Variants in CNOT4 observed in about 807,000 individuals in gnomAD.
The protein encoded by CNOT4 is CCR4-associated factor 4.
In CNOT4, 8 loss-of-function variants were observed where a neutral mutation model predicts 73.8. The ratio of observed to expected loss-of-function variants is 0.11; its 90% CI spans 0.06 to 0.20. CNOT4 has a LOEUF of 0.20. CNOT4 is among the 10% of genes least tolerant of loss of function. The pLI, the probability that CNOT4 is intolerant of heterozygous loss-of-function variation, is 1.00. For missense variants in CNOT4, 564 were observed against 883.4 expected (o/e 0.64, Z 4.58); for synonymous variants, 293 against 321.1 (o/e 0.91, Z 0.94).
At chr7:135,471,485 G>A (rs1801571955) in intron 1 of CNOT4, among the ~76,000 whole-genome samples, 1 of 152,106 alleles carries the variant, frequency 6.6e-6, no homozygotes. Context: ...ATGGTAATAA[G>A]TATGCATAAA....
At chr7:135,443,207 T>A (rs1218381328) in intron 1 of CNOT4, among the ~76,000 whole-genome samples, 1 of 147,134 alleles carries the variant, frequency 6.8e-6, no homozygotes, top group Admixed American at 6.8e-5. Context: ...AAAAAAAAAA[T>A]TAGCTGGGTT....
At chr7:135,474,866 C>A (rs1258732775) in intron 1 of CNOT4, among the ~76,000 whole-genome samples, 1 of 151,954 alleles carries the variant, frequency 6.6e-6, no homozygotes, top group African/African-American at 2.4e-5. Flanking sequence ...TTGCCTCAAT[C>A]TTTTTGAAAA....
At chr7:135,476,184 T>C (rs2129486999) in intron 1 of CNOT4, among the ~76,000 whole-genome samples, 1 of 152,154 alleles carries the variant, frequency 6.6e-6, no homozygotes. Flanking sequence ...TGGGAGAAGA[T>C]TTTCCTAACC....
At chr7:135,449,088 G>A (rs898614185) in intron 1 of CNOT4, among the ~76,000 whole-genome samples, 2 of 152,174 alleles carry the variant, frequency 1.3e-5, no homozygotes, top group African/African-American at 4.8e-5. Context: ...AGGTAACACA[G>A]ATGAATCTCC....
Position 135,477,419 on chromosome 7 carries a change from C to T in CNOT4, c.-93+32470G>A, listed in dbSNP as rs939777526. Among the ~76,000 whole-genome samples, 62 of 152,250 alleles carry T rather than the reference C, an allele frequency of 4.1e-4. 1 individual carries two copies. The highest frequency in any genetic ancestry group is 1.2e-3 in the African/African-American group (50 of 41,572). ...AAATCAATAAAAGGACACCCATTAA[C>T]TTTTGTTTCCATCTTTTAAAGTCCT... On this transcript the variant is annotated intron_variant, in intron 1 of 11. Coordinates refer to ENST00000541284, the MANE Select transcript of CNOT4 (RefSeq NM_001190850.2).
At chr7:135,483,317 GAC>G in intron 1 of CNOT4, among the ~76,000 whole-genome samples, 1 of 150,974 alleles carries the variant, frequency 6.6e-6, no homozygotes, top group Non-Finnish European at 1.5e-5. Context: ...CAGCCTGAGT[GAC>G]AGTTTAAGAC....
chr7:135,378,213 G>C (rs1387961199), intron 10 of CNOT4, among the ~76,000 whole-genome samples: 2 of 152,186 alleles, frequency 1.3e-5, no homozygotes, highest in Non-Finnish European at 2.9e-5. Context: ...TGATTTAAAA[G>C]AGAGAGAAGG....
chr7:135,477,482 T>C (rs571407704), intron 1 of CNOT4, among the ~76,000 whole-genome samples: 1 of 152,370 alleles, frequency 6.6e-6, no homozygotes, highest in East Asian at 1.9e-4. Flanking sequence ...TGTATTCTTA[T>C]AGACACACCC....
intron 1 of CNOT4, among the ~76,000 whole-genome samples, chr7:135,501,008 G>C (rs977645423): frequency 6.5e-5 from 9 of 137,960 alleles, no homozygotes; most frequent in Non-Finnish European, 1.4e-4. Context: ...TTTGGAGACA[G>C]AGTTTCATTC....
At chr7:135,442,565 C>A (rs1265991142) in intron 1 of CNOT4, among the ~76,000 whole-genome samples, 1 of 152,202 alleles carries the variant, frequency 6.6e-6, no homozygotes, top group Non-Finnish European at 1.5e-5. Flanking sequence ...TGCCACTGCA[C>A]TGCAGCCTGG....
intron 1 of CNOT4, among the ~76,000 whole-genome samples, chr7:135,490,426 C>T (rs551306830): frequency 6.6e-6 from 1 of 152,258 alleles, no homozygotes; most frequent in South Asian, 2.1e-4. Context: ...AAGGGTGCTG[C>T]TAAAGGAGGT....
intron 1 of CNOT4, among the ~76,000 whole-genome samples, chr7:135,460,124 T>G (rs912790281): frequency 6.6e-6 from 1 of 152,106 alleles, no homozygotes; most frequent in African/African-American, 2.4e-5. Context: ...CTGGATTAGG[T>G]TGTGGTTTAA....
At chr7:135,407,667 C>A (rs1797366958) in intron 7 of CNOT4, among the ~76,000 whole-genome samples, 1 of 145,438 alleles carries the variant, frequency 6.9e-6, no homozygotes, top group African/African-American at 2.6e-5. Context: ...ATATGCTATG[C>A]TAATGGTTGG....
chr7:135,507,465 G>C (rs1804451646), intron 1 of CNOT4, among the ~76,000 whole-genome samples: 1 of 152,084 alleles, frequency 6.6e-6, no homozygotes, highest in African/African-American at 2.4e-5. Flanking sequence ...AAGAACTTTA[G>C]ATATCTTCTT....
chr7:135,400,283 T>G (rs1461150593), intron 7 of CNOT4, among the ~76,000 whole-genome samples: 1 of 152,102 alleles, frequency 6.6e-6, no homozygotes, highest in Non-Finnish European at 1.5e-5. Flanking sequence ...TTAGGCTCCA[T>G]AGGCCACAGA....
intron 1 of CNOT4, among the ~76,000 whole-genome samples, chr7:135,463,876 A>C (rs772300069): frequency 2.0e-5 from 3 of 152,068 alleles, no homozygotes; most frequent in Non-Finnish European, 4.4e-5. Context: ...GCAAAGGACA[A>C]GAACAGACAC....
chr7:135,473,902 T>A (rs1470355926), intron 1 of CNOT4, among the ~76,000 whole-genome samples: 1 of 152,090 alleles, frequency 6.6e-6, no homozygotes, highest in Non-Finnish European at 1.5e-5. Context: ...GTACTGTTTA[T>A]GGCTTTCTTT....
At chr7:135,422,436 G>C (rs1300119340) in intron 2 of CNOT4, 83 bp from the exon 3 acceptor site, 30 of 704,234 alleles carry the variant, frequency 4.3e-5, no homozygotes, top group South Asian at 8.8e-5. Flanking sequence ...CTTGGTGGTG[G>C]GTATGTGGTT....
intron 2 of CNOT4, among the ~76,000 whole-genome samples, chr7:135,424,702 C>A (rs1023813496): frequency 1.3e-5 from 2 of 151,920 alleles, no homozygotes; most frequent in Non-Finnish European, 2.9e-5. Context: ...GGCAGGAGAA[C>A]TGCTTGAACC....
Sources: allele counts gnomAD v4.1 joint callset (sites outside exome capture counted in the v4.1 genomes callset), GRCh38; gene constraint gnomAD v4.1.1; transcripts MANE v1.5; gene names NCBI Gene and HGNC (gene_info 2026-07-23, HGNC 2026-07-21).